Variants in PLLP observed in about 807,000 individuals in gnomAD.
PLLP encodes plasma membrane proteolipid (plasmolipin).
In PLLP, 15 loss-of-function variants were observed where a neutral mutation model predicts 19.7. The observed-to-expected ratio is 0.76, with a 90% CI of 0.51 to 1.17. The LOEUF (loss-of-function observed/expected upper bound fraction) is 1.17. Among genes scored for constraint, PLLP ranks in the 50% most tolerant of loss-of-function variants. The probability of loss-of-function intolerance (pLI) is 0.00; values close to 1 mark genes in which losing one functional copy is unlikely to be tolerated. For missense variants in PLLP, 255 were observed against 258.3 expected, an observed-to-expected ratio of 0.99 and a Z score of 0.09; for synonymous variants, 111 against 116.3, an observed-to-expected ratio of 0.95 and a Z score of 0.29.
chr16:57,264,120 C>G (rs1403224595), intron 1 of PLLP, among the ~76,000 whole-genome samples: 2 of 152,138 alleles, frequency 1.3e-5, no homozygotes, highest in Non-Finnish European at 2.9e-5. Context: ...GGCACCCCAT[C>G]CAAAAGCAAC....
chr16:57,281,513 A>ATTTTTTTTTTT (rs1901218261), intron 1 of PLLP, among the ~76,000 whole-genome samples: 1 of 87,576 alleles, frequency 1.1e-5, no homozygotes, highest in Non-Finnish European at 2.2e-5. Flanking sequence ...TTTTTTTTTT[A>ATTTTTTTTTTT]TTTCTTTTTT....
intron 1 of PLLP, among the ~76,000 whole-genome samples, chr16:57,279,726 G>C (rs916441561): frequency 6.6e-6 from 1 of 151,700 alleles, no homozygotes; most frequent in East Asian, 1.9e-4. Flanking sequence ...AGGCTAGAGT[G>C]CAGTGACGTG....
chr16:57,270,686 C>T (rs1032771964), intron 1 of PLLP, among the ~76,000 whole-genome samples: 6 of 152,098 alleles, frequency 3.9e-5, no homozygotes, highest in Admixed American at 1.3e-4. Context: ...AAGCTGGCCA[C>T]GACACAGCCA....
rs559047572 is a variant in PLLP at position 57,270,192 on chromosome 16, T to A, written c.136-8122A>T. Among the ~76,000 whole-genome samples the A allele has an allele frequency of 2.7e-5, 4 of 149,406 alleles. No homozygotes were observed. The East Asian group carries it at 5.9e-4, about 22-fold the overall frequency. ...AGTCCAAACACAGTCCCCGAGTCTA[T>A]CCACAACCCCCTTTTCCAGCCCCCA... On this transcript the variant is annotated intron_variant, in intron 1 of 3. Transcript: ENST00000219207.
In PLLP at chr16:57,284,592, C is replaced by A; in HGVS notation, c.-52G>T. ...GCTACGGCCGCCGTCGCCGCCCCTC[C>A]AGCGGTGGGTGCCGGCTCCCGCGCC... On this transcript the variant is annotated 5_prime_UTR_variant, in exon 1 of 4. Transcript: ENST00000219207. The A allele has an allele frequency of 7.7e-7, 1 of 1,306,982 alleles. No individual in the cohort carries two copies. The highest frequency in any genetic ancestry group is 2.9e-5 in the East Asian group (1 of 34,558). The allele number at this position is 1,306,982 out of a possible 1,614,324, so 81.0% of individuals were successfully genotyped here.
rs2075432450 is a variant in PLLP, at chr16:57,258,451, A to C, written c.432+11T>G. 1.9e-6 allele frequency: 3 copies of C among 1,607,674 alleles called. No individual in the cohort carries two copies. The highest frequency in any genetic ancestry group is 2.5e-6 in the Non-Finnish European group (3 of 1,179,550). ...TGCAGACCACCAAGGGAGCCTGGGAAGCAGACTCACCGAGGCAGCCGCGCG... is the reference window on the plus strand; with the variant it reads ...TGCAGACCACCAAGGGAGCCTGGGACGCAGACTCACCGAGGCAGCCGCGCG... On this transcript the variant is annotated intron_variant, in intron 3 of 3. Coordinates refer to ENST00000219207, the MANE Select transcript of PLLP (RefSeq NM_015993.3).
chr16:57,279,701 C>CT (rs1901196094), intron 1 of PLLP, among the ~76,000 whole-genome samples: 1 of 150,644 alleles, frequency 6.6e-6, no homozygotes, highest in African/African-American at 2.4e-5. Flanking sequence ...AAGTAGGGGT[C>CT]TTACTCTGTC....
intron 2 of PLLP, among the ~76,000 whole-genome samples, chr16:57,259,283 C>G (rs2075435261): frequency 6.6e-6 from 1 of 152,254 alleles, no homozygotes; most frequent in African/African-American, 2.4e-5. Context: ...TGGTCCAGGG[C>G]CAAGCCCAGG....
At chr16:57,264,345 G>A (rs1230859747) in intron 1 of PLLP, among the ~76,000 whole-genome samples, 1 of 152,238 alleles carries the variant, frequency 6.6e-6, no homozygotes, top group East Asian at 1.9e-4. Flanking sequence ...GTCAAAAGCT[G>A]TGTGGCTGTG....
intron 1 of PLLP, among the ~76,000 whole-genome samples, chr16:57,278,335 A>G (rs1274144141): frequency 6.6e-6 from 1 of 152,152 alleles, no homozygotes; most frequent in Non-Finnish European, 1.5e-5. Context: ...GCACAAGAAG[A>G]GCTCTCAGAT....
intron 1 of PLLP, among the ~76,000 whole-genome samples, chr16:57,281,617 T>G (rs1901220603): frequency 6.7e-6 from 1 of 149,872 alleles, no homozygotes; most frequent in Non-Finnish European, 1.5e-5. Context: ...TTCACGCCAT[T>G]CTCCCGCCTC....
chr16:57,278,296 C>T (rs1285181214), intron 1 of PLLP, among the ~76,000 whole-genome samples: 11 of 152,124 alleles, frequency 7.2e-5, no homozygotes, highest in African/African-American at 2.2e-4. Flanking sequence ...GCTGAGATTA[C>T]GCCGCTGCAC....
intron 1 of PLLP, among the ~76,000 whole-genome samples, chr16:57,268,567 T>C (rs2075464941): frequency 6.6e-6 from 1 of 152,214 alleles, no homozygotes; most frequent in East Asian, 1.9e-4. Flanking sequence ...TGCAGCTCAC[T>C]GCAGCCTCGA....
intron 2 of PLLP, among the ~76,000 whole-genome samples, chr16:57,261,299 C>G (rs1477664337): frequency 1.3e-5 from 2 of 152,138 alleles, no homozygotes; most frequent in Admixed American, 6.5e-5. Context: ...GCCACCACAC[C>G]CGGCCGGGAA....
intron 2 of PLLP, among the ~76,000 whole-genome samples, chr16:57,260,218 G>T (rs1481364537): frequency 6.6e-6 from 1 of 152,186 alleles, no homozygotes; most frequent in East Asian, 1.9e-4. Flanking sequence ...TCTAGATGCA[G>T]TTAAGCCCTC....
chr16:57,256,803 C>T lies in PLLP; in HGVS notation c.*110G>A. ...CGGGCAGAGAGGAGCAAATGCAGTC[C>T]CTGTTGGGCTGACTCCACGCAGGGC... On this transcript the variant is annotated 3_prime_UTR_variant, in exon 4 of 4. Coordinates refer to ENST00000219207, the MANE Select transcript of PLLP (RefSeq NM_015993.3). 1 of 701,898 alleles carries T rather than the reference C, an allele frequency of 1.4e-6. No homozygotes were observed. Among genetic ancestry groups the T allele is most frequent in the African/African-American group, 1.8e-5 (1 of 56,974 alleles). 43.5% of individuals were successfully genotyped at this position (701,898 alleles called of 1,614,324 possible).
chr16:57,283,136 G>A (rs1001492907), intron 1 of PLLP, among the ~76,000 whole-genome samples: 4 of 152,166 alleles, frequency 2.6e-5, no homozygotes, highest in African/African-American at 9.7e-5. Context: ...AAAACTCTGG[G>A]AGAACTGTTA....
At position 57,261,924 on chromosome 16, in the gene PLLP, C is replaced by G. The variant is rs752596756; in HGVS notation, c.282G>C (p.Lys94Asn). 6.2e-7 allele frequency: 1 copy of G among 1,613,970 alleles called. No individual in the cohort carries two copies. Among genetic ancestry groups the G allele is most frequent in the African/African-American group, 1.3e-5 (1 of 74,904 alleles). Residue 94 changes from lysine to asparagine, a missense_variant, in exon 2 of 4, where the codon AAG (lysine) becomes AAC (asparagine). By Grantham distance (94) the Lys-to-Asn change is moderately conservative. Coordinates refer to ENST00000219207, the MANE Select transcript of PLLP (RefSeq NM_015993.3). The part of the protein sequence containing the change: ...FNLYLFQLHM[K>N]LYMVPWPLVL... ...CCAGTGGCCAGGGAACCATGTACAA[C>G]TTCATGTGCAGCTGAAACAGGTAGA...
chr16:57,282,171 C>G (rs1451168025), intron 1 of PLLP, among the ~76,000 whole-genome samples: 3 of 151,666 alleles, frequency 2.0e-5, no homozygotes, highest in African/African-American at 7.3e-5. Context: ...TCCTCTTACT[C>G]CAATGCCTTC....
Sources: gnomAD v4.1 joint callset for allele counts (sites outside exome capture counted in the v4.1 genomes callset) on GRCh38, gnomAD v4.1.1 for gene constraint, MANE v1.5 for transcripts, NCBI Gene and HGNC (gene_info 2026-07-23, HGNC 2026-07-21) for gene names.